CLCN7: variants seen among roughly 807,000 people sequenced by gnomAD.
CLCN7 encodes H(+)/Cl(-) exchange transporter 7.
Under a neutral mutation model 102.1 loss-of-function variants are expected in CLCN7, and 60 were observed. The observed-to-expected ratio is 0.59, with a 90% confidence interval of 0.48 to 0.73. CLCN7 has a LOEUF of 0.73. CLCN7 is among the 30% of genes least tolerant of loss of function. The pLI is 0.00. For missense variants in CLCN7, 962 were observed against 1,125.7 expected (o/e 0.85, Z 2.08); for synonymous variants, 560 against 490.5 (o/e 1.14, Z -1.87).
At chr16:1,471,669 T>C (rs1040317547) in intron 1 of CLCN7, 3 of 152,224 alleles carry the variant, frequency 2.0e-5, no homozygotes, top group African/African-American at 4.8e-5. Flanking sequence ...CTCAGCGCTA[T>C]GCATGCGTTA....
At chr16:1,468,566 C>A (rs889424144) in intron 1 of CLCN7, among the ~76,000 whole-genome samples, 1 of 152,190 alleles carries the variant, frequency 6.6e-6, no homozygotes, top group Non-Finnish European at 1.5e-5. Context: ...CTGCCACACA[C>A]GGCAACCTAC....
intron 1 of CLCN7, among the ~76,000 whole-genome samples, chr16:1,469,984 C>T (rs151195335): frequency 2.8e-4 from 43 of 152,366 alleles, no homozygotes; most frequent in African/African-American, 9.4e-4. Context: ...CAGGTCCACT[C>T]GCAAGAGGGC....
At position 1,474,875 on chromosome 16, in the gene CLCN7, TC is replaced by T; in HGVS notation, c.99del (p.Thr34ArgfsTer4). 5.5e-6 allele frequency: 8 copies of T among 1,441,746 alleles called. No homozygotes were observed. The highest frequency in any genetic ancestry group is 4.9e-5 in the Admixed American group (2 of 40,438). The allele number at this position is 1,441,746 out of a possible 1,614,324, so 89.3% of individuals were successfully genotyped here. ...LLRRTARPGG[G>X]TPLLNGAGPG... ...GGCCCAGCCCCGTTCAGCAGCGGCG[TC>T]CCCCCGCCGGGCCGCGCCGTCCTCC... On this transcript the variant is annotated frameshift_variant, in exon 1 of 25. Transcript: ENST00000382745. LOFTEE classifies it high-confidence loss of function.
intron 1 of CLCN7, among the ~76,000 whole-genome samples, chr16:1,472,236 GT>G (rs1170349301): frequency 6.6e-6 from 1 of 152,176 alleles, no homozygotes; most frequent in African/African-American, 2.4e-5. Flanking sequence ...TAAGGGAATA[GT>G]TTTTTTATTT....
chr16:1,454,398 G>GAGA lies in CLCN7; in HGVS notation c.1153+10_1153+12dup, dbSNP rs1285990685. 3 of 1,612,950 alleles carry GAGA rather than the reference G, an allele frequency of 1.9e-6. No homozygotes were observed. The African/African-American group carries it at 4.0e-5, about 22-fold the overall frequency. On this transcript the variant is annotated intron_variant, in intron 13 of 24. Transcript: ENST00000382745. The stretch of plus-strand genomic sequence containing the variant: ...CCGCAGGCCGTCCCTGCGGTGCTGG[G>GAGA]AGAAGCCCTTACCCACCACGCCCAT...
At chr16:1,458,766 G>C (rs2038878504) in intron 7 of CLCN7, among the ~76,000 whole-genome samples, 1 of 152,212 alleles carries the variant, frequency 6.6e-6, no homozygotes, top group African/African-American at 2.4e-5. Context: ...GCGGGAAACT[G>C]CTACACGCCC....
At position 1,452,986 on chromosome 16, in the gene CLCN7, T is replaced by TG. The variant is rs2142374967; in HGVS notation, c.1215-94dup. ...AACTCGAGTCCCTGATGGAGGACAC[T>TG]GGGCCCGTGGTGCTTTTTGTTTGTT... On this transcript the variant is annotated intron_variant, in intron 14 of 24. Transcript: ENST00000382745. 14 of 1,492,432 alleles carry TG rather than the reference T, an allele frequency of 9.4e-6. No homozygotes were observed. In the South Asian group the frequency reaches 1.7e-4, roughly 18 times the overall value. The allele number at this position is 1,492,432 out of a possible 1,614,324, so 92.4% of individuals were successfully genotyped here.
At position 1,461,635 on chromosome 16, in the gene CLCN7, G is replaced by A. The variant is rs374263832; in HGVS notation, c.253C>T (p.His85Tyr). ...PPHPFPKEIP[H>Y]NEKLLSLKYE... The stretch of plus-strand genomic sequence containing the variant: ...TTGAGGGACAGGAGCTTCTCGTTGT[G>A]TGGGATCTCCTTGGGGAAGGGATGT... The change falls in exon 3 of 25, where the codon CAC becomes TAC. Residue 85 changes from histidine to tyrosine, a missense_variant. Around this residue, in one of 2 missense-constraint regions of CLCN7, gnomAD observed 163 missense variants for 137.7 expected, o/e 1.18. Transcript: ENST00000382745. The A allele has an allele frequency of 6.8e-6, 11 of 1,614,060 alleles. No homozygotes were observed. The highest frequency in any genetic ancestry group is 9.3e-6 in the Non-Finnish European group (11 of 1,180,040).
At chr16:1,451,784 G>C (rs1200243695) in intron 15 of CLCN7, 68 bp from the exon 16 acceptor site, 2 of 1,322,810 alleles carry the variant, frequency 1.5e-6, no homozygotes, top group Admixed American at 1.9e-5. Flanking sequence ...CACAAACCTG[G>C]TGTCGCCGTG....
intron 4 of CLCN7, 74 bp from the exon 5 acceptor site, chr16:1,461,022 G>A (rs1398274104): frequency 1.3e-6 from 2 of 1,571,736 alleles, no homozygotes; most frequent in Non-Finnish European, 1.7e-6. Context: ...GGACCGCCCA[G>A]ACCGCCTGCA....
intron 2 of CLCN7, among the ~76,000 whole-genome samples, chr16:1,463,123 T>C (rs2038961643): frequency 6.6e-6 from 1 of 152,058 alleles, no homozygotes; most frequent in African/African-American, 2.4e-5. Context: ...AGTGAGACCC[T>C]GTCTCAAAAA....
intron 19 of CLCN7, 87 bp downstream of exon 19, chr16:1,448,879 G>A (rs1301201030): frequency 7.5e-6 from 12 of 1,600,058 alleles, no homozygotes; most frequent in Middle Eastern, 1.8e-4. Flanking sequence ...CCTACCCCCC[G>A]GGACCGGCTG....
At chr16:1,463,774 G>GA (rs34219752) in intron 2 of CLCN7, among the ~76,000 whole-genome samples, 9,808 of 144,122 alleles carry the variant, frequency 0.068, 401 homozygotes, top group Non-Finnish European at 0.097. Flanking sequence ...CACCTGCCCA[G>GA]AAAAAAAAAA....
intron 9 of CLCN7, among the ~76,000 whole-genome samples, 192 bp from the exon 10 acceptor site, chr16:1,456,398 G>A (rs995843723): frequency 2.1e-4 from 32 of 152,288 alleles, no homozygotes; most frequent in African/African-American, 7.5e-4. Context: ...ACCACCACCG[G>A]CAGCCCAGGG....
rs999364830 is a variant in CLCN7, at chr16:1,446,083, C to T, written c.*548G>A. 4 of 590,100 alleles carry T rather than the reference C, an allele frequency of 6.8e-6. No individual in the cohort carries two copies. Among genetic ancestry groups the T allele is most frequent in the Non-Finnish European group, 1.2e-5 (4 of 332,820 alleles). 36.6% of individuals were successfully genotyped at this position (590,100 alleles called of 1,614,324 possible). A position where few individuals can be genotyped will look rare whatever the true frequency, so the allele number is the denominator to read the frequency against. On this transcript the variant is annotated 3_prime_UTR_variant, in exon 25 of 25. Coordinates refer to ENST00000382745, the MANE Select transcript of CLCN7 (RefSeq NM_001287.6). ...GCCAGTGTGAAGCTGCTCTCCGGGG[C>T]GGTCGCAGCCTCCAAACCCTGGTGC...
At chr16:1,447,128 G>C (rs747116055) in intron 23 of CLCN7, 42 bp from the exon 24 acceptor site, 8 of 1,537,746 alleles carry the variant, frequency 5.2e-6, no homozygotes, top group Non-Finnish European at 7.0e-6. Context: ...CCACACAGCA[G>C]AGGCAGGCGG....
intron 20 of CLCN7, 29 bp from the exon 21 acceptor site, chr16:1,448,513 C>T (rs775952252): frequency 6.9e-6 from 11 of 1,605,816 alleles, no homozygotes; most frequent in South Asian, 4.4e-5. Context: ...CACACATGCC[C>T]GTCACACGCC....
chr16:1,465,572 G>A (rs754295904), intron 1 of CLCN7, among the ~76,000 whole-genome samples: 13 of 152,190 alleles, frequency 8.5e-5, no homozygotes, highest in African/African-American at 3.1e-4. Context: ...CGTCCAGCCC[G>A]AGTCCAGGGC....
intron 17 of CLCN7, 127 bp downstream of exon 17, chr16:1,450,370 C>A (rs1300960778): frequency 3.0e-6 from 3 of 1,007,316 alleles, no homozygotes; most frequent in African/African-American, 1.6e-5. Flanking sequence ...AGGACAACGC[C>A]CACGGCCCGT....
Sources: allele counts gnomAD v4.1 joint callset (sites outside exome capture counted in the v4.1 genomes callset), GRCh38; gene constraint gnomAD v4.1.1; regional missense constraint gnomAD v4.1.1; transcripts MANE v1.5; gene names NCBI Gene and HGNC (gene_info 2026-07-23, HGNC 2026-07-21).